SLC26A8: variants seen among roughly 807,000 people sequenced by gnomAD.
The protein encoded by SLC26A8 is testis anion transporter 1.
In SLC26A8, 70 loss-of-function variants were observed where a neutral mutation model predicts 105.0. The ratio of observed to expected loss-of-function variants is 0.67; its 90% CI spans 0.55 to 0.81. The LOEUF (loss-of-function observed/expected upper bound fraction) is 0.81. Among genes scored for constraint, SLC26A8 ranks in the 40% least tolerant of loss-of-function variants. The pLI is 0.00. For synonymous variants in SLC26A8, 415 were observed against 438.3 expected, an observed-to-expected ratio of 0.95 and a Z score of 0.66; for missense variants, 998 against 1,181.8, an observed-to-expected ratio of 0.84 and a Z score of 2.28.
chr6:35,980,897 C>T (rs918466231), intron 8 of SLC26A8, among the ~76,000 whole-genome samples: 1 of 152,000 alleles, frequency 6.6e-6, no homozygotes, highest in African/African-American at 2.4e-5. Context: ...CCTGTAATTC[C>T]AGCTACTCAG....
Position 36,000,082 on chromosome 6 carries a change from G to T in SLC26A8, c.355C>A (p.Gln119Lys). ...QGLTLSLLAR[Q>K]LIPPLNIAYA... The stretch of plus-strand genomic sequence containing the variant: ...GCGATGTTGAGAGGAGGAATCAGTT[G>T]CCTTGCCAGCAAACTAAGTGTCAGG... The change falls in exon 4 of 20, where the codon CAA (glutamine) becomes AAA (lysine). Residue 119 changes from glutamine (Q) to lysine (K), a missense_variant. By Grantham distance (53) the Gln-to-Lys change is moderately conservative (BLOSUM62 1). Coordinates refer to ENST00000490799, the MANE Select transcript of SLC26A8 (RefSeq NM_052961.4). 6.2e-7 allele frequency: 1 copy of T among 1,613,962 alleles called. No homozygotes were observed. Among genetic ancestry groups the T allele is most frequent in the East Asian group, 2.2e-5 (1 of 44,860 alleles).
chr6:35,951,647 C>T (rs953153931), intron 17 of SLC26A8, 148 bp from the exon 18 acceptor site: 9 of 780,734 alleles, frequency 1.2e-5, no homozygotes, highest in East Asian at 2.7e-5. Context: ...GGCATGATCT[C>T]GGCTCACTGC....
At chr6:35,975,210 A>C (rs146258254) in intron 10 of SLC26A8, among the ~76,000 whole-genome samples, 165 bp downstream of exon 10, 22 of 152,356 alleles carry the variant, frequency 1.4e-4, no homozygotes, top group Non-Finnish European at 2.9e-4. Flanking sequence ...CTGAGCAAAA[A>C]TTAAGGCAAG....
chr6:36,012,600 A>G (rs1379028319), intron 2 of SLC26A8, among the ~76,000 whole-genome samples: 1 of 152,206 alleles, frequency 6.6e-6, no homozygotes, highest in Non-Finnish European at 1.5e-5. Flanking sequence ...TGATATCAGT[A>G]GAACTCCCCG....
In SLC26A8 at chr6:36,012,386, G is replaced by T. The variant is rs376925067; in HGVS notation, c.189-14C>A. 7.1e-6 allele frequency: 11 copies of T among 1,557,936 alleles called. No individual in the cohort carries two copies. The highest frequency in any genetic ancestry group is 1.2e-5 in the South Asian group (1 of 81,482). Reference sequence around the variant, plus strand: ...TGCCATGAGCAGCTGTGAGAGAGAGGAGCAGAGACTTGGTTAGTTTCTCCA... The same window carrying T: ...TGCCATGAGCAGCTGTGAGAGAGAGTAGCAGAGACTTGGTTAGTTTCTCCA... On this transcript the variant is annotated splice_polypyrimidine_tract_variant and intron_variant, in intron 2 of 19. Coordinates refer to ENST00000490799, the MANE Select transcript of SLC26A8 (RefSeq NM_052961.4).
At chr6:36,023,051 C>T (rs939184354) in intron 1 of SLC26A8, among the ~76,000 whole-genome samples, 3 of 151,518 alleles carry the variant, frequency 2.0e-5, no homozygotes, top group Admixed American at 6.6e-5. Flanking sequence ...AGTATGACTA[C>T]CACTATAAAT....
At chr6:35,977,892 C>A (rs1773102068) in intron 8 of SLC26A8, among the ~76,000 whole-genome samples, 1 of 152,000 alleles carries the variant, frequency 6.6e-6, no homozygotes, top group Non-Finnish European at 1.5e-5. Context: ...CGAGATCAGC[C>A]TGGCCAACAT....
intron 16 of SLC26A8, among the ~76,000 whole-genome samples, chr6:35,956,047 C>A (rs2127295121): frequency 6.6e-6 from 1 of 152,106 alleles, no homozygotes; most frequent in Non-Finnish European, 1.5e-5. Flanking sequence ...TTGAAACCAG[C>A]CTGGGCAACA....
intron 11 of SLC26A8, among the ~76,000 whole-genome samples, chr6:35,967,868 T>G (rs1772581824): frequency 6.6e-6 from 1 of 152,190 alleles, no homozygotes; most frequent in South Asian, 2.1e-4. Flanking sequence ...TATTTATTTA[T>G]TTTTTGAAAC....
At chr6:35,949,816 TG>T (rs1319179555) in intron 19 of SLC26A8, among the ~76,000 whole-genome samples, 12 of 151,486 alleles carry the variant, frequency 7.9e-5, no homozygotes, top group African/African-American at 2.9e-4. Flanking sequence ...TGTGTTTTTT[TG>T]TTTTTTTTTT....
chr6:36,012,419 T>TGCCCGCATAGCCAAGAAAAGGCATTTG, intron 2 of SLC26A8, 47 bp from the exon 3 acceptor site: 16 of 1,532,820 alleles, frequency 1.0e-5, no homozygotes, highest in Non-Finnish European at 1.4e-5. Flanking sequence ...CCAAAGAAAA[T>TGCCCGCATAGCCAAGAAAAGGCATTTG]GCCCGCATAG....
intron 4 of SLC26A8, among the ~76,000 whole-genome samples, chr6:35,998,860 T>C (rs528909326): frequency 6.6e-6 from 1 of 152,242 alleles, no homozygotes; most frequent in South Asian, 2.1e-4. Flanking sequence ...ACATAGCAGA[T>C]TGAATAAAGA....
In SLC26A8 at chr6:35,943,801, C is replaced by G; in HGVS notation, c.*99G>C. ...AGGAGTCACAGTCAGGAAGGAAGTA[C>G]TGCTAGTTCGTATCCAGTCTAGGTC... is the stretch of plus-strand genomic sequence containing the variant. On this transcript the variant is annotated 3_prime_UTR_variant, in exon 20 of 20. Transcript: ENST00000490799. The G allele has an allele frequency of 2.7e-6, 4 of 1,508,198 alleles. No homozygotes were observed. Among genetic ancestry groups the G allele is most frequent in the Non-Finnish European group, 3.6e-6 (4 of 1,122,968 alleles). The allele number at this position is 1,508,198 out of a possible 1,614,324, so 93.4% of individuals were successfully genotyped here.
intron 8 of SLC26A8, among the ~76,000 whole-genome samples, chr6:35,980,777 T>C (rs1431957720): frequency 6.6e-6 from 1 of 151,562 alleles, no homozygotes; most frequent in Non-Finnish European, 1.5e-5. Context: ...CTTTGGGAGG[T>C]GGAGGTGGGA....
At chr6:35,970,276 T>A (rs981448425) in intron 10 of SLC26A8, among the ~76,000 whole-genome samples, 9 of 152,206 alleles carry the variant, frequency 5.9e-5, no homozygotes, top group African/African-American at 2.2e-4. Context: ...TCCCTCTCGC[T>A]ACTCATTGCT....
intron 16 of SLC26A8, among the ~76,000 whole-genome samples, chr6:35,956,077 C>CA (rs1453067562): frequency 6.6e-6 from 1 of 151,962 alleles, no homozygotes; most frequent in Non-Finnish European, 1.5e-5. Context: ...TCTGTCTCTA[C>CA]AAAAAATACA....
At chr6:35,964,783 T>C (rs540601142) in intron 11 of SLC26A8, among the ~76,000 whole-genome samples, 2 of 151,984 alleles carry the variant, frequency 1.3e-5, no homozygotes, top group South Asian at 2.1e-4. Flanking sequence ...CTGGCCAACA[T>C]AGTGAAACCT....
intron 2 of SLC26A8, among the ~76,000 whole-genome samples, chr6:36,014,724 A>G (rs1761950764): frequency 6.6e-6 from 1 of 152,086 alleles, no homozygotes; most frequent in African/African-American, 2.4e-5. Flanking sequence ...TACTAAAAAT[A>G]CAAAAATAAA....
intron 17 of SLC26A8, 104 bp downstream of exon 17, chr6:35,955,048 C>T (rs1432439176): frequency 7.1e-7 from 1 of 1,407,462 alleles, no homozygotes; most frequent in East Asian, 2.3e-5. Context: ...CTAGCAGTCT[C>T]ATAGCAGCTG....
Sources: gnomAD v4.1 joint callset for allele counts (sites outside exome capture counted in the v4.1 genomes callset) on GRCh38, gnomAD v4.1.1 for gene constraint, MANE v1.5 for transcripts, NCBI Gene and HGNC (gene_info 2026-07-23, HGNC 2026-07-21) for gene names.